The following PTPRN2 variants were observed in gnomAD, a reference collection of about 807,000 sequenced individuals.
PTPRN2 encodes receptor-type tyrosine-protein phosphatase N2.
A neutral mutation model predicts 118.8 loss-of-function variants in PTPRN2; 74 were observed. The observed-to-expected ratio is 0.62, with a 90% CI of 0.52 to 0.76. The LOEUF (loss-of-function observed/expected upper bound fraction) is 0.76, where lower values mean the gene tolerates loss of function less well. Ranked by LOEUF, PTPRN2 falls within the 30% of genes least tolerant of loss-of-function variation. PTPRN2 has a pLI of 0.00. For synonymous variants in PTPRN2, 641 were observed against 608.0 expected (o/e 1.05, Z -0.80); for missense variants, 1,481 against 1,394.4 (o/e 1.06, Z -0.99).
chr7:157,549,161 C>T (rs548574284), intron 21 of PTPRN2, 142 bp from the exon 22 acceptor site: 99 of 774,850 alleles, frequency 1.3e-4, no homozygotes, highest in South Asian at 4.4e-4. Context: ...GGCTGGCAGG[C>T]GGCTGCAATT....
intron 14 of PTPRN2, among the ~76,000 whole-genome samples, chr7:157,642,651 T>C (rs58318633): frequency 0.11 from 17,153 of 151,848 alleles, 2,009 homozygotes; most frequent in African/African-American, 0.3. Context: ...GCTTCAAGTG[T>C]TTCCTCCCAC....
chr7:157,569,076 G>T, intron 20 of PTPRN2, 110 bp from the exon 21 acceptor site: 1 of 1,071,830 alleles, frequency 9.3e-7, no homozygotes, highest in South Asian at 1.3e-5. Context: ...CCGGCGAGAG[G>T]AAAGGATGGC....
At chr7:158,194,587 G>C (rs947525787) in intron 4 of PTPRN2, among the ~76,000 whole-genome samples, 2 of 152,224 alleles carry the variant, frequency 1.3e-5, no homozygotes, top group Non-Finnish European at 2.9e-5. Context: ...ACAAGACTCA[G>C]GCCTCCCTCA....
At chr7:157,791,369 C>A (rs1311388439) in intron 12 of PTPRN2, among the ~76,000 whole-genome samples, 1 of 152,252 alleles carries the variant, frequency 6.6e-6, no homozygotes, top group Non-Finnish European at 1.5e-5. Flanking sequence ...GCGCCCGCGT[C>A]CACATATTCT....
At chr7:157,568,468 T>G (rs904727330) in intron 21 of PTPRN2, among the ~76,000 whole-genome samples, 1 of 152,160 alleles carries the variant, frequency 6.6e-6, no homozygotes, top group Non-Finnish European at 1.5e-5. Flanking sequence ...GCCTCTAGTG[T>G]GAATACCGTT....
intron 2 of PTPRN2, among the ~76,000 whole-genome samples, chr7:158,423,397 T>C (rs1408501544): frequency 6.6e-6 from 1 of 152,208 alleles, no homozygotes; most frequent in African/African-American, 2.4e-5. Flanking sequence ...GGGGACACGG[T>C]GAACCCTAGG....
chr7:158,203,294 A>G (rs1266155740), intron 4 of PTPRN2, among the ~76,000 whole-genome samples: 1 of 149,464 alleles, frequency 6.7e-6, no homozygotes, highest in Admixed American at 6.7e-5. Flanking sequence ...GAAGGAAGGG[A>G]GGAAGGAAGG....
intron 9 of PTPRN2, among the ~76,000 whole-genome samples, chr7:158,116,234 C>G (rs141472833): frequency 6.6e-6 from 1 of 152,110 alleles, no homozygotes; most frequent in Admixed American, 6.5e-5. Context: ...TTAAATGAAC[C>G]CCACTCAATT....
At chr7:158,306,568 C>CCA (rs1156682473) in intron 3 of PTPRN2, among the ~76,000 whole-genome samples, 2 of 152,114 alleles carry the variant, frequency 1.3e-5, no homozygotes, top group Non-Finnish European at 2.9e-5. Flanking sequence ...GACTTGGTGG[C>CCA]CACACATGAT....
intron 10 of PTPRN2, among the ~76,000 whole-genome samples, chr7:158,095,811 T>G (rs1814584269): frequency 6.6e-6 from 1 of 152,172 alleles, no homozygotes; most frequent in Admixed American, 6.5e-5. Context: ...ACTCCTGGTC[T>G]CCAGTGATCC....
intron 9 of PTPRN2, among the ~76,000 whole-genome samples, chr7:158,120,586 A>G (rs1817082150): frequency 6.6e-6 from 1 of 152,168 alleles, no homozygotes; most frequent in African/African-American, 2.4e-5. Context: ...TGTTCTTTAA[A>G]GTGGATTTTT....
At chr7:158,100,445 GTAGTTCTTT>G (rs1374604480) in intron 10 of PTPRN2, among the ~76,000 whole-genome samples, 1 of 152,320 alleles carries the variant, frequency 6.6e-6, no homozygotes, top group East Asian at 1.9e-4. Flanking sequence ...GAATCAAATG[GTAGTTCTTT>G]TAGTTCTTTA....
chr7:158,499,807 GTATA>G (rs1554518888), intron 1 of PTPRN2, among the ~76,000 whole-genome samples: 1 of 148,974 alleles, frequency 6.7e-6, no homozygotes, highest in East Asian at 2.0e-4. Context: ...GTGTGTGTGT[GTATA>G]TATATATATA....
chr7:158,240,494 T>C (rs1029659716), intron 3 of PTPRN2, among the ~76,000 whole-genome samples: 1 of 152,192 alleles, frequency 6.6e-6, no homozygotes, highest in African/African-American at 2.4e-5. Context: ...AGTAGCGTGA[T>C]CTCAGCTCAG....
intron 2 of PTPRN2, among the ~76,000 whole-genome samples, chr7:158,444,112 TCA>T (rs1297559147): frequency 6.6e-6 from 1 of 152,182 alleles, no homozygotes; most frequent in East Asian, 1.9e-4. Context: ...GCACTGCCAC[TCA>T]CCCCTCCAAC....
At chr7:157,796,913 A>G (rs1210449883) in intron 12 of PTPRN2, among the ~76,000 whole-genome samples, 2 of 152,114 alleles carry the variant, frequency 1.3e-5, no homozygotes, top group Admixed American at 6.5e-5. Flanking sequence ...CACACCCAAC[A>G]CTGGGGATTA....
chr7:158,475,085 T>C (rs1820144378), intron 2 of PTPRN2, among the ~76,000 whole-genome samples: 1 of 152,116 alleles, frequency 6.6e-6, no homozygotes, highest in Non-Finnish European at 1.5e-5. Context: ...GTCTCCAACC[T>C]TCTCATGCAG....
At position 158,319,013 on chromosome 7, in the gene PTPRN2, A is replaced by G. The variant is rs373159906; in HGVS notation, c.164-2081T>C. Among the ~76,000 whole-genome samples, 7 of 152,326 alleles carry G rather than the reference A, an allele frequency of 4.6e-5. 1 individual carries two copies. In the South Asian group the frequency reaches 1.5e-3, roughly 32 times the overall value. On this transcript the variant is annotated intron_variant, in intron 2 of 22. Coordinates refer to ENST00000389418, the MANE Select transcript of PTPRN2 (RefSeq NM_002847.5). ...AATTTTGGAACGTTCCAAGCAAAGC[A>G]TTTCTCAAGCATAACAGCCTCATTC...
chr7:157,561,105 C>CTGGTTCTGCA (rs1197247713), intron 21 of PTPRN2, among the ~76,000 whole-genome samples: 2 of 152,014 alleles, frequency 1.3e-5, no homozygotes, highest in Non-Finnish European at 2.9e-5. Flanking sequence ...CCCCAGCCAT[C>CTGGTTCTGCA]TGGTTCTGCA....
Sources: allele counts gnomAD v4.1 joint callset (sites outside exome capture counted in the v4.1 genomes callset), GRCh38; gene constraint gnomAD v4.1.1; transcripts MANE v1.5; gene names NCBI Gene and HGNC (gene_info 2026-07-23, HGNC 2026-07-21).